The following KHDRBS2 variants were observed in gnomAD, a reference collection of about 807,000 sequenced individuals.
KHDRBS2 encodes the protein KH RNA binding domain containing, signal transduction associated 2, also known as KH domain-containing, RNA-binding, signal transduction-associated protein 2.
Under a neutral mutation model 44.3 loss-of-function variants are expected in KHDRBS2, and 26 were observed. The observed-to-expected ratio is 0.59, with a 90% CI of 0.43 to 0.81. KHDRBS2 has a LOEUF of 0.81. Ranked by LOEUF, KHDRBS2 falls within the 40% of genes least tolerant of loss-of-function variation. The probability of loss-of-function intolerance (pLI) is 0.00; values close to 1 mark genes in which losing one functional copy is unlikely to be tolerated. For synonymous variants in KHDRBS2, 194 were observed against 151.1 expected, an observed-to-expected ratio of 1.28 and a Z score of -2.08; for missense variants, 476 against 433.1, an observed-to-expected ratio of 1.10 and a Z score of -0.88.
Position 62,076,038 on chromosome 6 carries a change from G to C in KHDRBS2, c.220-28044C>G, listed in dbSNP as rs1454718285. Among the ~76,000 whole-genome samples the C allele has an allele frequency of 2.0e-5, 3 of 151,694 alleles. No homozygotes were observed. The East Asian group carries it at 5.8e-4, about 30-fold the overall frequency. ...GGATGCGTTTGAATATGGGGCAGGG[G>C]AGTGGGTCTCATCCACATATCTCAA... On this transcript the variant is annotated intron_variant, in intron 2 of 8. Transcript: ENST00000281156.
At chr6:61,552,326 T>C in the KHDRBS2 span, among the ~76,000 whole-genome samples, 1 of 152,170 alleles carries the variant, frequency 6.6e-6, no homozygotes, top group African/African-American at 2.4e-5. Flanking sequence ...ATGCTGTTGG[T>C]GCATGGGAAT....
intron 2 of KHDRBS2, among the ~76,000 whole-genome samples, chr6:62,116,199 T>C (rs1293194862): frequency 2.0e-5 from 3 of 152,270 alleles, no homozygotes; most frequent in South Asian, 2.1e-4. Flanking sequence ...ATTTTTGTGG[T>C]AAGAACATTT....
At chr6:62,196,163 A>C (rs1180727050) in intron 1 of KHDRBS2, among the ~76,000 whole-genome samples, 1 of 152,164 alleles carries the variant, frequency 6.6e-6, no homozygotes, top group Non-Finnish European at 1.5e-5. Context: ...CCCTGTATAG[A>C]CTAACTTCTA....
chr6:61,596,603 T>C, the KHDRBS2 span, among the ~76,000 whole-genome samples: 5 of 152,150 alleles, frequency 3.3e-5, no homozygotes, highest in African/African-American at 7.2e-5. Context: ...CTCTAAGTAG[T>C]TGTTAACTAG....
At chr6:62,037,872 C>T (rs1785627039) in intron 3 of KHDRBS2, among the ~76,000 whole-genome samples, 1 of 151,914 alleles carries the variant, frequency 6.6e-6, no homozygotes, top group African/African-American at 2.4e-5. Context: ...AAAATTAAAA[C>T]AAGATGCTAA....
chr6:62,217,092 T>C (rs1325813478), intron 1 of KHDRBS2, among the ~76,000 whole-genome samples: 2 of 150,228 alleles, frequency 1.3e-5, no homozygotes, highest in Non-Finnish European at 3.0e-5. Flanking sequence ...ATCTACAACA[T>C]CTGTGTTACA....
intron 3 of KHDRBS2, among the ~76,000 whole-genome samples, chr6:62,037,695 A>C (rs1785588964): frequency 6.6e-6 from 1 of 151,960 alleles, no homozygotes; most frequent in African/African-American, 2.4e-5. Flanking sequence ...GCCTTTTTTT[A>C]AAACCCTATA....
the KHDRBS2 span, among the ~76,000 whole-genome samples, chr6:61,591,015 G>A: frequency 6.6e-6 from 1 of 152,146 alleles, no homozygotes. Context: ...CACTCAAAGA[G>A]CATCATTTAC....
chr6:62,103,092 C>T (rs1802275701), intron 2 of KHDRBS2, among the ~76,000 whole-genome samples: 1 of 152,040 alleles, frequency 6.6e-6, no homozygotes, highest in African/African-American at 2.4e-5. Flanking sequence ...CATGGGAAGG[C>T]CTGGAAAAAG....
At chr6:61,672,456 C>A in the KHDRBS2 span, among the ~76,000 whole-genome samples, 2 of 152,042 alleles carry the variant, frequency 1.3e-5, no homozygotes, top group African/African-American at 2.4e-5. Context: ...GTTTACAGTC[C>A]CACCAACAGT....
In KHDRBS2 at chr6:61,810,568, T is replaced by A. The variant is rs189102933; in HGVS notation, c.811-77804A>T. Among the ~76,000 whole-genome samples, 822 of 152,226 alleles carry A rather than the reference T, an allele frequency of 5.4e-3. 7 individuals are homozygous for A. Among genetic ancestry groups the A allele is most frequent in the Non-Finnish European group, 6.9e-3 (471 of 68,010 alleles). On this transcript the variant is annotated intron_variant, in intron 6 of 8. Transcript: ENST00000281156. ...CAAATTTGTAAATAATGTAAAAATT[T>A]AATAAAAATGTATATTAGAATGAAA...
At chr6:61,693,323 C>T (rs1299993795) in intron 8 of KHDRBS2, among the ~76,000 whole-genome samples, 1 of 152,066 alleles carries the variant, frequency 6.6e-6, no homozygotes, top group Non-Finnish European at 1.5e-5. Context: ...TCTAATACCA[C>T]AATCTGAGTG....
chr6:61,802,253 T>A (rs1028945549), intron 6 of KHDRBS2, among the ~76,000 whole-genome samples: 1 of 152,180 alleles, frequency 6.6e-6, no homozygotes, highest in African/African-American at 2.4e-5. Flanking sequence ...GAAAAATCAG[T>A]TAAGTCTGAC....
intron 6 of KHDRBS2, among the ~76,000 whole-genome samples, chr6:61,852,612 C>T (rs529780046): frequency 2.4e-4 from 36 of 151,860 alleles, no homozygotes; most frequent in Non-Finnish European, 4.1e-4. Flanking sequence ...CTGCTAATAC[C>T]CACTGTGATT....
At chr6:62,273,491 A>C (rs1308000756) in intron 1 of KHDRBS2, among the ~76,000 whole-genome samples, 3 of 152,148 alleles carry the variant, frequency 2.0e-5, no homozygotes, top group African/African-American at 7.2e-5. Context: ...CCGATACTGA[A>C]ATTACTTGGT....
chr6:61,566,925 A>G, the KHDRBS2 span, among the ~76,000 whole-genome samples: 1 of 152,220 alleles, frequency 6.6e-6, no homozygotes, highest in African/African-American at 2.4e-5. Context: ...TTTCTTTAAG[A>G]CTAATGCAAT....
At chr6:61,986,363 C>T (rs1200699485) in intron 3 of KHDRBS2, among the ~76,000 whole-genome samples, 1 of 152,110 alleles carries the variant, frequency 6.6e-6, no homozygotes, top group Non-Finnish European at 1.5e-5. Context: ...TTATTCTGTA[C>T]ATTAAATTCA....
chr6:62,257,811 A>G lies in KHDRBS2; in HGVS notation c.91+28047T>C, dbSNP rs1585462104. The stretch of plus-strand genomic sequence containing the variant: ...TTGTGAAACGCTAAAACTATGGAGC[A>G]TGTACCCTGCTTTTTTTCCCCAGAA... On this transcript the variant is annotated intron_variant, in intron 1 of 8. Coordinates refer to ENST00000281156, the MANE Select transcript of KHDRBS2 (RefSeq NM_152688.4). Among the ~76,000 whole-genome samples, 4 of 152,142 alleles carry G rather than the reference A, an allele frequency of 2.6e-5. No individual in the cohort carries two copies. In the South Asian group the frequency reaches 8.3e-4, roughly 31 times the overall value.
At chr6:61,774,608 C>CTCCCT (rs1345355406) in intron 6 of KHDRBS2, among the ~76,000 whole-genome samples, 1 of 152,124 alleles carries the variant, frequency 6.6e-6, no homozygotes, top group Non-Finnish European at 1.5e-5. Context: ...AGTTGAATCT[C>CTCCCT]TGAATAGACC....
Sources: allele counts gnomAD v4.1 joint callset (sites outside exome capture counted in the v4.1 genomes callset), GRCh38; gene constraint gnomAD v4.1.1; transcripts MANE v1.5; gene names NCBI Gene and HGNC (gene_info 2026-07-23, HGNC 2026-07-21).